The following STON2 variants were observed in gnomAD, a reference collection of about 807,000 sequenced individuals.
The protein encoded by STON2 is stonin-2.
Under a neutral mutation model 65.7 loss-of-function variants are expected in STON2, and 29 were observed. The ratio of observed to expected loss-of-function variants is 0.44; its 90% CI spans 0.33 to 0.60. STON2 has a LOEUF of 0.60. Ranked by LOEUF, STON2 falls within the 20% of genes least tolerant of loss-of-function variation. The pLI is 0.03. For missense variants in STON2, 1,054 were observed against 1,118.1 expected, an observed-to-expected ratio of 0.94 and a Z score of 0.82; for synonymous variants, 404 against 414.2, an observed-to-expected ratio of 0.98 and a Z score of 0.30.
upstream of STON2, among the ~76,000 whole-genome samples, chr14:81,402,704 ACCC>A (rs1472738508): frequency 6.6e-6 from 1 of 152,094 alleles, no homozygotes; most frequent in Non-Finnish European, 1.5e-5. Context: ...TCTGGAGCTT[ACCC>A]TCTCCAATCC....
chr14:81,273,614 T>TGGCTGGGCTGGGCCA (rs1196098465), intron 6 of STON2, among the ~76,000 whole-genome samples: 4 of 152,060 alleles, frequency 2.6e-5, no homozygotes, highest in East Asian at 2.0e-4. Flanking sequence ...CCCACGTATG[T>TGGCTGGGCTGGGCCA]GGCTGGGCTG....
Position 81,263,312 on chromosome 14 carries a change from G to T in STON2, c.*5102C>A, listed in dbSNP as rs1894222905. The T allele has an allele frequency of 8.8e-6, 2 of 228,400 alleles. No homozygotes were observed. Among genetic ancestry groups the T allele is most frequent in the South Asian group, 1.6e-4 (1 of 6,350 alleles). 14.1% of individuals were successfully genotyped at this position (228,400 alleles called of 1,614,324 possible). A position where few individuals can be genotyped will look rare whatever the true frequency, so the allele number is the denominator to read the frequency against. ...CTAGCACTCTGGGAGGCTAAGGCGG[G>T]TGGATCACCTGAGCTCAGAAGTTCA... is the stretch of plus-strand genomic sequence containing the variant. On this transcript the variant is annotated 3_prime_UTR_variant, in exon 8 of 8. Transcript: ENST00000614646.
At chr14:81,419,588 T>C (rs1229780344) in intron 2 of STON2, among the ~76,000 whole-genome samples, 2 of 152,184 alleles carry the variant, frequency 1.3e-5, no homozygotes, top group African/African-American at 2.4e-5. Flanking sequence ...CTCACTTGCA[T>C]AGACAAGGAC....
At chr14:81,286,193 AAAT>A (rs1895326874) in intron 5 of STON2, among the ~76,000 whole-genome samples, 1 of 152,252 alleles carries the variant, frequency 6.6e-6, no homozygotes, top group Non-Finnish European at 1.5e-5. Flanking sequence ...ATATGTTTAA[AAAT>A]AATATTACAT....
intron 6 of STON2, among the ~76,000 whole-genome samples, chr14:81,272,684 A>G (rs534085548): frequency 6.6e-6 from 1 of 152,382 alleles, no homozygotes; most frequent in South Asian, 2.1e-4. Context: ...TAAGATACAT[A>G]TAACAGTAAA....
At chr14:81,386,630 GT>G (rs954351603) in intron 3 of STON2, among the ~76,000 whole-genome samples, 20 of 152,214 alleles carry the variant, frequency 1.3e-4, no homozygotes, top group African/African-American at 3.1e-4. Flanking sequence ...AAATGAAAGG[GT>G]TTTTTTGTTG....
Position 81,371,188 on chromosome 14 carries a change from G to C in STON2, c.374-3C>G, listed in dbSNP as rs775474345. Reference sequence around the variant, plus strand: ...GCAGGGCATGGTCAATGGTAGGGCTGGGGAGAGACCAAAAACCAAAAGCAT... The same window carrying C: ...GCAGGGCATGGTCAATGGTAGGGCTCGGGAGAGACCAAAAACCAAAAGCAT... On this transcript the variant is annotated splice_region_variant and splice_polypyrimidine_tract_variant and intron_variant, in intron 3 of 7. Transcript: ENST00000614646. 3.7e-6 allele frequency: 6 copies of C among 1,613,440 alleles called. No individual in the cohort carries two copies. In the Admixed American group the frequency reaches 1.0e-4, roughly 27 times the overall value.
intron 5 of STON2, among the ~76,000 whole-genome samples, chr14:81,294,250 T>C (rs1895674893): frequency 6.6e-6 from 1 of 152,250 alleles, no homozygotes; most frequent in African/African-American, 2.4e-5. Flanking sequence ...TAGGACAGTA[T>C]TCTTATTGCT....
chr14:81,388,909 T>C (rs943440325), intron 3 of STON2, among the ~76,000 whole-genome samples: 1 of 152,174 alleles, frequency 6.6e-6, no homozygotes, highest in African/African-American at 2.4e-5. Flanking sequence ...TAAGTAAGGT[T>C]TCACTTTTTC....
chr14:81,379,131 A>C (rs1015311976), intron 3 of STON2, among the ~76,000 whole-genome samples: 9 of 152,248 alleles, frequency 5.9e-5, no homozygotes, highest in Non-Finnish European at 1.3e-4. Context: ...TAACCAAAAG[A>C]CTTTACCAAT....
At chr14:81,318,457 C>G (rs796960824) in intron 5 of STON2, among the ~76,000 whole-genome samples, 12 of 152,352 alleles carry the variant, frequency 7.9e-5, no homozygotes, top group African/African-American at 2.9e-4. Context: ...TCTTCATACA[C>G]CCTTCTCCCA....
chr14:81,309,863 G>A (rs1896355373), intron 5 of STON2, among the ~76,000 whole-genome samples: 1 of 152,192 alleles, frequency 6.6e-6, no homozygotes, highest in African/African-American at 2.4e-5. Flanking sequence ...AGAATCCTCT[G>A]CACAGATGAC....
chr14:81,347,902 CAAAAAAAAAA>C lies in STON2; in HGVS notation c.571+23076_571+23085del, dbSNP rs755109204. Among the ~76,000 whole-genome samples, 13 of 51,564 alleles carry C rather than the reference CAAAAAAAAAA, an allele frequency of 2.5e-4. 1 individual carries two copies. The South Asian group carries it at 0.013, about 50-fold the overall frequency. The allele number at this position is 51,564 out of a possible 152,430, so 33.8% of individuals were successfully genotyped here. On this transcript the variant is annotated intron_variant, in intron 4 of 7. Coordinates refer to ENST00000614646, the MANE Select transcript of STON2 (RefSeq NM_001394390.1). ...AACAGAGTAGGACCCTGTCTCTTAC[CAAAAAAAAAA>C]AAAAAAAAAAAAGATAATAAAGTAG...
chr14:81,322,652 T>C, intron 5 of STON2, among the ~76,000 whole-genome samples: 1 of 152,182 alleles, frequency 6.6e-6, no homozygotes, highest in East Asian at 1.9e-4. Context: ...TACTGCACTT[T>C]CCTGAAACTT....
At chr14:81,298,900 TA>T (rs1895867241) in intron 5 of STON2, among the ~76,000 whole-genome samples, 1 of 152,244 alleles carries the variant, frequency 6.6e-6, no homozygotes, top group African/African-American at 2.4e-5. Flanking sequence ...TATAGAATTT[TA>T]AAACTTTTTA....
At chr14:81,294,032 T>C (rs1320867491) in intron 5 of STON2, among the ~76,000 whole-genome samples, 2 of 152,234 alleles carry the variant, frequency 1.3e-5, no homozygotes, top group African/African-American at 4.8e-5. Flanking sequence ...GTCTTCAGAA[T>C]AAGTTATTTT....
At chr14:81,369,447 G>GA (rs1490899431) in intron 4 of STON2, among the ~76,000 whole-genome samples, 1 of 152,234 alleles carries the variant, frequency 6.6e-6, no homozygotes, top group African/African-American at 2.4e-5. Flanking sequence ...ATTAGGCAAT[G>GA]AAAAAACAGC....
chr14:81,329,345 C>T (rs986767868), intron 4 of STON2, among the ~76,000 whole-genome samples: 2 of 151,534 alleles, frequency 1.3e-5, no homozygotes, highest in African/African-American at 4.9e-5. Context: ...GTCCCAGCTA[C>T]TGGGGAGGCT....
At chr14:81,326,199 A>C (rs1896999261) in intron 4 of STON2, among the ~76,000 whole-genome samples, 1 of 152,208 alleles carries the variant, frequency 6.6e-6, no homozygotes, top group African/African-American at 2.4e-5. Flanking sequence ...TAAAAGCCAC[A>C]CTATAAAGTG....
Sources: gnomAD v4.1 joint callset for allele counts (sites outside exome capture counted in the v4.1 genomes callset) on GRCh38, gnomAD v4.1.1 for gene constraint, MANE v1.5 for transcripts, NCBI Gene and HGNC (gene_info 2026-07-23, HGNC 2026-07-21) for gene names.